The following ZFP64 variants were observed in gnomAD, a reference collection of about 807,000 sequenced individuals.
The protein encoded by ZFP64 is ZFP64 zinc finger protein, also known as zinc finger protein 64.
In ZFP64, 14 loss-of-function variants were observed where a neutral mutation model predicts 51.6. The ratio of observed to expected loss-of-function variants is 0.27; its 90% CI spans 0.18 to 0.42. The LOEUF (loss-of-function observed/expected upper bound fraction) is 0.42. Ranked by LOEUF, ZFP64 falls within the 10% of genes least tolerant of loss-of-function variation. The probability of loss-of-function intolerance (pLI) is 1.00; values close to 1 mark genes in which losing one functional copy is unlikely to be tolerated. For missense variants in ZFP64, 754 were observed against 906.8 expected (o/e 0.83, Z 2.16); for synonymous variants, 375 against 361.4 (o/e 1.04, Z -0.43).
intron 1 of ZFP64, 89 bp from the exon 2 acceptor site, chr20:52,187,160 TG>T: frequency 7.0e-7 from 1 of 1,429,552 alleles, no homozygotes. Context: ...AGAAAAGGCA[TG>T]GTGGCAGACA....
At chr20:52,098,081 G>A (rs1600699215) in intron 6 of ZFP64, among the ~76,000 whole-genome samples, 1 of 149,232 alleles carries the variant, frequency 6.7e-6, no homozygotes, top group East Asian at 2.0e-4. Context: ...GCTGAGGCAG[G>A]AGAATTGCTA....
In ZFP64 at chr20:52,151,556, A is replaced by G. The variant is rs189463561; in HGVS notation, c.*590T>C. ...GGAAAATCAAGTTGGAAACAAACAC[A>G]TGAATTCACTACTTAATGCATTTAA... On this transcript the variant is annotated 3_prime_UTR_variant, in exon 6 of 6. Coordinates refer to ENST00000216923, the MANE Select transcript of ZFP64 (RefSeq NM_018197.3). 369 of 985,776 alleles carry G rather than the reference A, an allele frequency of 3.7e-4. No homozygotes were observed. In the African/African-American group the frequency reaches 6.2e-3, roughly 17 times the overall value. 61.1% of individuals were successfully genotyped at this position (985,776 alleles called of 1,614,324 possible).
At position 52,173,574 on chromosome 20, in the gene ZFP64, C is replaced by G. The variant is rs189833586; in HGVS notation, c.287-7549G>C. The stretch of plus-strand genomic sequence containing the variant: ...CTGCACTTCAGCCTGGGTGACAGAG[C>G]AAGACCGTCTCTAGAAAAACAAAAC... On this transcript the variant is annotated intron_variant, in intron 2 of 5. Coordinates refer to ENST00000216923, the MANE Select transcript of ZFP64 (RefSeq NM_018197.3). Among the ~76,000 whole-genome samples the G allele has an allele frequency of 5.3e-3, 812 of 152,130 alleles. 7 individuals carry two copies. The highest frequency in any genetic ancestry group is 0.018 in the African/African-American group (760 of 41,482).
chr20:52,140,744 G>A (rs140267969), intron 5 of ZFP64, among the ~76,000 whole-genome samples: 142 of 152,236 alleles, frequency 9.3e-4, no homozygotes, highest in Admixed American at 2.9e-3. Context: ...TGATGAAGGA[G>A]GCTACACTAA....
In ZFP64 at chr20:52,085,187, G is replaced by C. The variant is rs751238533; in HGVS notation, c.1308C>G (p.His436Gln). 3.1e-6 allele frequency: 5 copies of C among 1,614,224 alleles called. No homozygotes were observed. Among genetic ancestry groups the C allele is most frequent in the Non-Finnish European group, 4.2e-6 (5 of 1,180,042 alleles). The change falls in exon 9 of 9, where the codon CAC becomes CAG. Residue 436 changes from histidine (H) to glutamine (Q), a missense_variant. By Grantham distance (24) the His-to-Gln change is conservative. Transcript: ENST00000361387. This position sits in a 1 kb window ranked among gnomAD's most constrained non-coding sequence, Gnocchi z 4.3. ...CGCACTTGAAAGGCTTCTCCCCCGA[G>C]TGCACGATCATGTGCCTTTTCAAGT...
chr20:52,084,630 G>A, exon 9 of ZFP64: 1 of 1,614,200 alleles, frequency 6.2e-7, no homozygotes, highest in Non-Finnish European at 8.5e-7. Flanking sequence ...CTGTCCCGAG[G>A]CACCGCTTTC....
At chr20:52,168,777 C>A (rs527592276) in intron 2 of ZFP64, among the ~76,000 whole-genome samples, 2 of 152,290 alleles carry the variant, frequency 1.3e-5, no homozygotes, top group African/African-American at 4.8e-5. Flanking sequence ...TCTGGGTAAG[C>A]AATTACTTTT....
intron 5 of ZFP64, among the ~76,000 whole-genome samples, chr20:52,130,375 G>A (rs941296943): frequency 1.8e-4 from 27 of 151,970 alleles, no homozygotes; most frequent in Non-Finnish European, 2.4e-4. Flanking sequence ...CACCATACCC[G>A]ACTAATCTTT....
At chr20:52,098,120 C>A (rs1190682876) in intron 6 of ZFP64, among the ~76,000 whole-genome samples, 2 of 148,860 alleles carry the variant, frequency 1.3e-5, no homozygotes, top group African/African-American at 5.0e-5. Context: ...TTGCAGTGAG[C>A]CGAGATCACA....
At chr20:52,094,850 G>T (rs978585696) in intron 7 of ZFP64, among the ~76,000 whole-genome samples, 1 of 152,160 alleles carries the variant, frequency 6.6e-6, no homozygotes, top group East Asian at 1.9e-4. Context: ...TCTGAGCTTG[G>T]TTTTAACTTG....
intron 5 of ZFP64, among the ~76,000 whole-genome samples, chr20:52,106,717 A>G (rs892086217): frequency 6.6e-6 from 1 of 152,140 alleles, no homozygotes; most frequent in African/African-American, 2.4e-5. Flanking sequence ...TAAATTTCCG[A>G]GACTTAAACT....
intron 1 of ZFP64, among the ~76,000 whole-genome samples, chr20:52,189,105 T>A (rs978811191): frequency 6.6e-6 from 1 of 152,224 alleles, no homozygotes; most frequent in African/African-American, 2.4e-5. Context: ...TCCATTCATT[T>A]TCTTTACACT....
At chr20:52,145,570 T>C (rs1206864970) in intron 5 of ZFP64, among the ~76,000 whole-genome samples, 3 of 151,988 alleles carry the variant, frequency 2.0e-5, no homozygotes, top group African/African-American at 7.3e-5. Flanking sequence ...CCTGGGGAGG[T>C]AGAGGCTGCA....
At chr20:52,187,160 T>A in intron 1 of ZFP64, 89 bp from the exon 2 acceptor site, 2 of 1,429,552 alleles carry the variant, frequency 1.4e-6, no homozygotes, top group South Asian at 1.3e-5. Flanking sequence ...AGAAAAGGCA[T>A]GGTGGCAGAC....
At chr20:52,142,382 A>ACACACACACGCGCG in intron 5 of ZFP64, among the ~76,000 whole-genome samples, 2 of 84,480 alleles carry the variant, frequency 2.4e-5, no homozygotes, top group African/African-American at 6.8e-5. Flanking sequence ...ACACAGACAC[A>ACACACACACGCGCG]CACACACACA....
intron 7 of ZFP64, among the ~76,000 whole-genome samples, chr20:52,093,381 C>T (rs767507316): frequency 6.6e-6 from 1 of 152,166 alleles, no homozygotes; most frequent in Non-Finnish European, 1.5e-5. Flanking sequence ...CTCAGGTGAT[C>T]TGCCTGCCTC....
At chr20:52,102,741 T>C (rs2079066587) in intron 5 of ZFP64, among the ~76,000 whole-genome samples, 1 of 152,222 alleles carries the variant, frequency 6.6e-6, no homozygotes, top group Admixed American at 6.5e-5. Context: ...TGTGTCCCAC[T>C]GGATAAGCTA....
chr20:52,177,802 GC>G (rs1983341053), intron 2 of ZFP64, among the ~76,000 whole-genome samples: 1 of 152,170 alleles, frequency 6.6e-6, no homozygotes, highest in South Asian at 2.1e-4. Flanking sequence ...GGAGGCTGAG[GC>G]GGGCAGATCA....
At chr20:52,151,170 T>C (rs1477098751), downstream of ZFP64, 30 of 912,866 alleles carry the variant, frequency 3.3e-5, no homozygotes, top group Non-Finnish European at 3.8e-5. Context: ...TGTGTGACGT[T>C]TATGAAAGGA....
Sources: gnomAD v4.1 joint callset for allele counts (sites outside exome capture counted in the v4.1 genomes callset) on GRCh38, gnomAD v4.1.1 for gene constraint, Gnocchi (gnomAD v3.1) non-coding constraint, MANE v1.5 for transcripts, NCBI Gene and HGNC (gene_info 2026-07-23, HGNC 2026-07-21) for gene names.